Variants in CHUK observed in about 807,000 individuals in gnomAD.
The protein encoded by CHUK is inhibitor of nuclear factor kappa-B kinase subunit alpha.
In CHUK, 35 loss-of-function variants were observed where a neutral mutation model predicts 104.8. The observed-to-expected ratio is 0.33, with a 90% confidence interval of 0.26 to 0.44. The LOEUF (loss-of-function observed/expected upper bound fraction) is 0.44. Among genes scored for constraint, CHUK ranks in the 20% least tolerant of loss-of-function variants. The pLI is 1.00. For synonymous variants in CHUK, 276 were observed against 291.9 expected, an observed-to-expected ratio of 0.95 and a Z score of 0.56; for missense variants, 663 against 902.7, an observed-to-expected ratio of 0.73 and a Z score of 3.40.
intron 19 of CHUK, among the ~76,000 whole-genome samples, chr10:100,191,861 G>GT (rs1235261289): frequency 6.6e-6 from 1 of 152,218 alleles, no homozygotes; most frequent in African/African-American, 2.4e-5. Flanking sequence ...GCTCATGCCT[G>GT]TAATTCCAGC....
chr10:100,222,970 C>T lies in CHUK; in HGVS notation c.211G>A (p.Ala71Thr), dbSNP rs752478458. The T allele has an allele frequency of 1.3e-6, 2 of 1,560,352 alleles. No individual in the cohort carries two copies. Among genetic ancestry groups the T allele is most frequent in the Non-Finnish European group, 1.8e-6 (2 of 1,131,424 alleles). ...EIQIMKKLNH[A>T]NVVKACDVPE... The stretch of plus-strand genomic sequence containing the variant: ...ACATCACAGGCCTTTACAACATTGG[C>T]ATGGTTCAACCTAATAAGAAAGAAA... Residue 71 changes from alanine (A) to threonine (T), a missense_variant, in exon 3 of 21, where the codon GCC becomes ACC. This residue lies in a region of CHUK where 200 missense variants were observed against 333.0 expected (regional missense o/e 0.60). Transcript: ENST00000370397.
intron 4 of CHUK, among the ~76,000 whole-genome samples, chr10:100,221,693 A>AGTG (rs1195493460): frequency 6.6e-6 from 1 of 152,114 alleles, no homozygotes; most frequent in East Asian, 1.9e-4. Context: ...GCTGGAGTGC[A>AGTG]GTGGTGCAAT....
intron 9 of CHUK, among the ~76,000 whole-genome samples, chr10:100,212,263 G>A (rs896901948): frequency 1.3e-5 from 2 of 152,098 alleles, no homozygotes; most frequent in African/African-American, 4.8e-5. Context: ...CACCAACAGT[G>A]TACAAGGGAT....
At chr10:100,206,041 A>G (rs950296193) in intron 11 of CHUK, among the ~76,000 whole-genome samples, 3 of 152,234 alleles carry the variant, frequency 2.0e-5, no homozygotes, top group Non-Finnish European at 4.4e-5. Context: ...AACAAGGACT[A>G]TTTGAAGTCT....
Position 100,220,675 on chromosome 10 carries a change from C to T in CHUK, c.387G>A (p.Gly129=), listed in dbSNP as rs61732516. Residue 129 remains glycine, a splice_region_variant and synonymous_variant, in exon 5 of 21, where the codon GGG becomes GGA. Coordinates refer to ENST00000370397, the MANE Select transcript of CHUK (RefSeq NM_001278.5). ...SQILSLLSDI[G]SGIRYLHENK... The stretch of plus-strand genomic sequence containing the variant: ...TTTCATGCAAATATCGAATCCCAGA[C>T]CCTAAATAAAGTTTAAAATATACTT... The T allele has an allele frequency of 3.1e-6, 5 of 1,596,560 alleles. No individual in the cohort carries two copies. Among genetic ancestry groups the T allele is most frequent in the South Asian group, 1.1e-5 (1 of 90,672 alleles).
At chr10:100,203,579 A>C (rs1845519649) in intron 13 of CHUK, among the ~76,000 whole-genome samples, 1 of 152,126 alleles carries the variant, frequency 6.6e-6, no homozygotes, top group African/African-American at 2.4e-5. Context: ...TTAGGAAACA[A>C]GTATTTGTTT....
rs1267292116 is a variant in CHUK at position 100,193,315 on chromosome 10, C to T, written c.2091G>A (p.Val697=). 2.5e-6 allele frequency: 4 copies of T among 1,613,972 alleles called. No individual in the cohort carries two copies. In the East Asian group the frequency reaches 8.9e-5, roughly 36 times the overall value. The change falls in exon 19 of 21, where the codon GTG becomes GTA. Residue 697 remains valine, a synonymous_variant. Coordinates refer to ENST00000370397, the MANE Select transcript of CHUK (RefSeq NM_001278.5). ...SAEHDHSLSC[V]VTPQDGETSA... is the part of the protein sequence containing the mutation. ...AAACCCACCCATCTTGAGGAGTTAC[C>T]ACACATGACAGAGAATGATCATGTT...
Position 100,190,874 on chromosome 10 carries a change from T to C in CHUK, c.2203A>G (p.Met735Val). Residue 735 changes from methionine to valine, a missense_variant, in exon 20 of 21, where the codon ATG becomes GTG. By Grantham distance (21) the Met-to-Val change is conservative (BLOSUM62 1). Around this residue, in one of 5 missense-constraint regions of CHUK, gnomAD observed 311 missense variants for 393.4 expected, o/e 0.79. Transcript: ENST00000370397. ...CATATCCACACAAAACTTACCATCA[T>C]ACTATTGCCCTGTTCCTCATTTGCC... ...HEANEEQGNS[M>V]MNLDWSWLTE is the part of the protein sequence containing the mutation. 6.3e-7 allele frequency: 1 copy of C among 1,590,978 alleles called. No individual in the cohort carries two copies. Among genetic ancestry groups the C allele is most frequent in the African/African-American group, 1.3e-5 (1 of 74,632 alleles).
At position 100,209,598 on chromosome 10, in the gene CHUK, T is replaced by C. The variant is rs1393272641; in HGVS notation, c.1125A>G (p.Gly375=). 7 of 1,585,230 alleles carry C rather than the reference T, an allele frequency of 4.4e-6. No individual in the cohort carries two copies. Among genetic ancestry groups the C allele is most frequent in the Non-Finnish European group, 6.1e-6 (7 of 1,153,780 alleles). ...ATATTATAATTAATTTTCTTACAAC[T>C]CCATCTAGAACACATTGAGAGGCTG... ...RKPASQCVLD[G]VRGCDSYMVY... The change falls in exon 10 of 21, where the codon GGA becomes GGG. Residue 375 remains glycine (G), a synonymous_variant. Transcript: ENST00000370397.
At chr10:100,209,068 T>G (rs921706196) in intron 10 of CHUK, among the ~76,000 whole-genome samples, 1 of 152,024 alleles carries the variant, frequency 6.6e-6, no homozygotes, top group Non-Finnish European at 1.5e-5. Flanking sequence ...CCATTTAGAG[T>G]AAGTAAATTT....
intron 16 of CHUK, among the ~76,000 whole-genome samples, chr10:100,199,164 T>C (rs778864597): frequency 9.9e-5 from 15 of 152,168 alleles, no homozygotes; most frequent in Non-Finnish European, 1.8e-4. Flanking sequence ...TTAGCAGATG[T>C]TCAACTGGAA....
intron 16 of CHUK, among the ~76,000 whole-genome samples, chr10:100,198,473 C>T (rs1401303978): frequency 6.6e-6 from 1 of 152,192 alleles, no homozygotes; most frequent in African/African-American, 2.4e-5. Flanking sequence ...CGGCTACTAG[C>T]ATAGTTTGGC....
intron 11 of CHUK, among the ~76,000 whole-genome samples, chr10:100,206,189 T>C (rs1258434779): frequency 1.3e-5 from 2 of 152,164 alleles, no homozygotes; most frequent in East Asian, 1.9e-4. Context: ...CTTCAATTAA[T>C]AATAAATGGG....
Position 100,216,513 on chromosome 10 carries a change from G to T in CHUK, c.933+1482C>A, listed in dbSNP as rs1008992098. On this transcript the variant is annotated intron_variant, in intron 9 of 20. Transcript: ENST00000370397. ...GAGGCCAGGAGTTCAAAACCAACCT[G>T]CTCAACACAGTGAGACCCCATTTCT... Among the ~76,000 whole-genome samples, 3 of 152,134 alleles carry T rather than the reference G, an allele frequency of 2.0e-5. No individual in the cohort carries two copies. In the East Asian group the frequency reaches 5.8e-4, roughly 29 times the overall value.
At chr10:100,189,675 A>G (rs375498424) in intron 20 of CHUK, 48 bp from the exon 21 acceptor site, 1 of 1,354,088 alleles carries the variant, frequency 7.4e-7, no homozygotes, top group South Asian at 1.2e-5. Flanking sequence ...ACTATAAGTT[A>G]TAAGTATATG....
In CHUK at chr10:100,200,632, T is replaced by C. The variant is rs41302715; in HGVS notation, c.1679+39A>G. Reference sequence around the variant, plus strand: ...ATGTAAGCAGAAAGAATACAAAATATTACAGATGTCAAGACCAACAACACA... The same window carrying C: ...ATGTAAGCAGAAAGAATACAAAATACTACAGATGTCAAGACCAACAACACA... On this transcript the variant is annotated intron_variant, in intron 15 of 20. Coordinates refer to ENST00000370397, the MANE Select transcript of CHUK (RefSeq NM_001278.5). 7,025 of 944,212 alleles carry C rather than the reference T, an allele frequency of 7.4e-3. 30 individuals are homozygous for C. Among genetic ancestry groups the C allele is most frequent in the Middle Eastern group, 0.013 (63 of 4,776 alleles). 58.5% of individuals were successfully genotyped at this position (944,212 alleles called of 1,614,324 possible). A position where few individuals can be genotyped will look rare whatever the true frequency, so the allele number is the denominator to read the frequency against.
At chr10:100,190,744 T>C in intron 20 of CHUK, 125 bp downstream of exon 20, 1 of 762,738 alleles carries the variant, frequency 1.3e-6, no homozygotes, top group South Asian at 1.4e-5. Context: ...CCCCAAATGC[T>C]CTTTCCTCTT....
rs1251603138 is a variant in CHUK at position 100,211,381 on chromosome 10, TTAATA to T, written c.934-1597_934-1593del. ...TGTGAAATTATCACATTTCAGCTAA[TTAATA>T]TATCTGTCACCTCTTCATAGTTGTC... On this transcript the variant is annotated intron_variant, in intron 9 of 20. Transcript: ENST00000370397. Among the ~76,000 whole-genome samples the T allele has an allele frequency of 2.6e-5, 4 of 152,362 alleles. No homozygotes were observed. The East Asian group carries it at 5.8e-4, about 22-fold the overall frequency.
In CHUK at chr10:100,190,879, T is replaced by C. The variant is rs151240721; in HGVS notation, c.2198A>G (p.Asn733Ser). 127 of 1,597,522 alleles carry C rather than the reference T, an allele frequency of 7.9e-5. No homozygotes were observed. In the African/African-American group the frequency reaches 1.6e-3, roughly 20 times the overall value. ...IIHEANEEQG[N>S]SMMNLDWSWL... ...CCACACAAAACTTACCATCATACTA[T>C]TGCCCTGTTCCTCATTTGCCTCATG... The change falls in exon 20 of 21, where the codon AAT becomes AGT. Residue 733 changes from asparagine to serine, a missense_variant. Transcript: ENST00000370397.
Sources: gnomAD v4.1 joint callset for allele counts (sites outside exome capture counted in the v4.1 genomes callset) on GRCh38, gnomAD v4.1.1 for gene constraint, gnomAD v4.1.1 regional missense constraint, MANE v1.5 for transcripts, NCBI Gene and HGNC (gene_info 2026-07-23, HGNC 2026-07-21) for gene names.